Variants in NUGGC observed in about 807,000 individuals in gnomAD.
NUGGC encodes the protein nuclear GTPase SLIP-GC.
In NUGGC, 58 loss-of-function variants were observed where a neutral mutation model predicts 92.6. The ratio of observed to expected loss-of-function variants is 0.63; its 90% CI spans 0.51 to 0.78. NUGGC has a LOEUF of 0.78. Ranked by LOEUF, NUGGC falls within the 30% of genes least tolerant of loss-of-function variation. The pLI, the probability that NUGGC is intolerant of heterozygous loss-of-function variation, is 0.00. For synonymous variants in NUGGC, 376 were observed against 366.4 expected (o/e 1.03, Z -0.30); for missense variants, 925 against 964.6 (o/e 0.96, Z 0.54).
intron 9 of NUGGC, among the ~76,000 whole-genome samples, chr8:28,056,477 CA>C (rs1281043672): frequency 0.066 from 8,350 of 125,566 alleles, 300 homozygotes; most frequent in African/African-American, 0.1. Context: ...GACTGTATCT[CA>C]AAAAAAAAAA....
chr8:28,026,939 A>G, intron 18 of NUGGC, 23 bp downstream of exon 18: 3 of 1,525,152 alleles, frequency 2.0e-6, no homozygotes, highest in Non-Finnish European at 2.7e-6. Context: ...ATCACCCTGT[A>G]TACAAAGCTT....
rs778651320 is a variant in NUGGC at position 28,033,596 on chromosome 8, T to A, written c.1713A>T (p.Glu571Asp). The A allele has an allele frequency of 1.2e-6, 2 of 1,614,004 alleles. No homozygotes were observed. Among genetic ancestry groups the A allele is most frequent in the South Asian group, 2.2e-5 (2 of 91,074 alleles). The change falls in exon 14 of 19, where the codon GAA becomes GAT. Residue 571 changes from glutamate (E) to aspartate (D), a missense_variant. Glu to Asp is a conservative substitution (Grantham distance 45). Coordinates refer to ENST00000413272, the MANE Select transcript of NUGGC (RefSeq NM_001010906.2). The stretch of plus-strand genomic sequence containing the variant: ...GGTCATAGACGGGCTGAGTGAGGGC[T>A]TCATTTAGATCAATTCTCGCCAGAG... Reference protein sequence around the residue: ...SRTLARIDLNEALTQPVYDQI... With the variant: ...SRTLARIDLNDALTQPVYDQI...
At chr8:28,026,762 TTCATCA>T (rs35745694) in intron 18 of NUGGC, among the ~76,000 whole-genome samples, 194 bp downstream of exon 18, 80 of 150,714 alleles carry the variant, frequency 5.3e-4, no homozygotes, top group East Asian at 2.3e-3. Context: ...GGCTGTTGTT[TTCATCA>T]TCATCATCAT....
intron 2 of NUGGC, among the ~76,000 whole-genome samples, chr8:28,073,686 G>C (rs916151392): frequency 6.6e-6 from 1 of 152,108 alleles, no homozygotes; most frequent in Non-Finnish European, 1.5e-5. Flanking sequence ...ACCCTTCCAG[G>C]AGCCGCTCCA....
chr8:28,025,159 C>T (rs1406580045), intron 18 of NUGGC, among the ~76,000 whole-genome samples: 5 of 152,222 alleles, frequency 3.3e-5, no homozygotes, highest in Admixed American at 6.5e-5. Context: ...CTGCCTGGCA[C>T]CCAGGACGTG....
intron 9 of NUGGC, among the ~76,000 whole-genome samples, chr8:28,057,755 A>G (rs938786310): frequency 1.3e-5 from 2 of 152,200 alleles, no homozygotes; most frequent in African/African-American, 4.8e-5. Flanking sequence ...AAGACTGCCA[A>G]TCAACAGTGG....
intron 18 of NUGGC, among the ~76,000 whole-genome samples, chr8:28,024,055 C>T (rs767959327): frequency 6.6e-5 from 10 of 152,126 alleles, no homozygotes; most frequent in Non-Finnish European, 1.5e-4. Flanking sequence ...TGGAGTTTTG[C>T]TCTTGTCACC....
intron 1 of NUGGC, among the ~76,000 whole-genome samples, chr8:28,078,366 A>C (rs1810772127): frequency 6.6e-6 from 1 of 152,220 alleles, no homozygotes; most frequent in South Asian, 2.1e-4. Flanking sequence ...CACCAAGTAC[A>C]TAAAAAGGAA....
At chr8:28,033,075 G>T (rs1809463888) in intron 14 of NUGGC, among the ~76,000 whole-genome samples, 1 of 152,118 alleles carries the variant, frequency 6.6e-6, no homozygotes, top group Non-Finnish European at 1.5e-5. Context: ...TGGGAGGATT[G>T]CCTGAGTCCA....
chr8:28,031,447 A>G (rs1809416396), intron 14 of NUGGC, 66 bp from the exon 15 acceptor site: 1 of 1,464,546 alleles, frequency 6.8e-7, no homozygotes. Flanking sequence ...AACAAACACG[A>G]AACTAGCTGG....
At chr8:28,025,925 G>C (rs1040925047) in intron 18 of NUGGC, among the ~76,000 whole-genome samples, 1 of 152,158 alleles carries the variant, frequency 6.6e-6, no homozygotes, top group African/African-American at 2.4e-5. Context: ...CCTCCTTAGA[G>C]GCAACGAGTA....
chr8:28,081,745 G>C (rs1309929700), intron 1 of NUGGC, among the ~76,000 whole-genome samples: 3 of 152,086 alleles, frequency 2.0e-5, no homozygotes, highest in Non-Finnish European at 4.4e-5. Flanking sequence ...AGCCGTTGTG[G>C]CACATGCCTG....
intron 6 of NUGGC, among the ~76,000 whole-genome samples, chr8:28,066,846 C>T (rs1452552352): frequency 6.6e-6 from 1 of 152,188 alleles, no homozygotes; most frequent in African/African-American, 2.4e-5. Flanking sequence ...TGGAGTGAAA[C>T]TGGTCTAAGC....
intron 16 of NUGGC, among the ~76,000 whole-genome samples, chr8:28,030,105 A>T (rs1193871568): frequency 6.6e-6 from 1 of 152,204 alleles, no homozygotes; most frequent in African/African-American, 2.4e-5. Flanking sequence ...TGTCTGGACC[A>T]AGGGTAGACA....
Position 28,082,911 on chromosome 8 carries a change from A to C in NUGGC, c.-47+864T>G, listed in dbSNP as rs116824510. 5.7e-3 allele frequency among the ~76,000 whole-genome samples: 872 copies of C among 152,326 alleles called. 7 individuals are homozygous for C. Among genetic ancestry groups the C allele is most frequent in the East Asian group, 0.018 (94 of 5,190 alleles). On this transcript the variant is annotated intron_variant, in intron 1 of 18. Transcript: ENST00000413272. Reference sequence around the variant, plus strand: ...ACAGACCGAAGCCTCAAAAACAAACAAACCAAACCCCCAAAATTCACTTAA... The same window carrying C: ...ACAGACCGAAGCCTCAAAAACAAACCAACCAAACCCCCAAAATTCACTTAA...
intron 1 of NUGGC, among the ~76,000 whole-genome samples, chr8:28,076,433 G>A (rs1421941024): frequency 6.6e-6 from 1 of 152,112 alleles, no homozygotes; most frequent in Non-Finnish European, 1.5e-5. Flanking sequence ...AGAGTAGCTG[G>A]GATTACAGGC....
chr8:28,040,022 A>G (rs1809653138), intron 13 of NUGGC, among the ~76,000 whole-genome samples: 1 of 152,168 alleles, frequency 6.6e-6, no homozygotes, highest in Non-Finnish European at 1.5e-5. Flanking sequence ...GTGAGGATGC[A>G]GCAAAAATGT....
intron 2 of NUGGC, among the ~76,000 whole-genome samples, chr8:28,074,030 G>A (rs529297322): frequency 2.0e-5 from 3 of 151,372 alleles, no homozygotes; most frequent in South Asian, 2.1e-4. Flanking sequence ...AACTCCTGAC[G>A]TCATGTGATC....
At chr8:28,065,406 C>G (rs919320088) in intron 6 of NUGGC, among the ~76,000 whole-genome samples, 1 of 152,132 alleles carries the variant, frequency 6.6e-6, no homozygotes, top group Non-Finnish European at 1.5e-5. Flanking sequence ...GTGATCCGCC[C>G]TCCTCAGCCT....
Sources: allele counts gnomAD v4.1 joint callset (sites outside exome capture counted in the v4.1 genomes callset), GRCh38; gene constraint gnomAD v4.1.1; transcripts MANE v1.5; gene names NCBI Gene and HGNC (gene_info 2026-07-23, HGNC 2026-07-21).